EIPR1: variants seen among roughly 807,000 people sequenced by gnomAD.
The protein encoded by EIPR1 is EARP complex and GARP complex interacting protein 1, also known as EARP and GARP complex-interacting protein 1.
A neutral mutation model predicts 48.1 loss-of-function variants in EIPR1; 25 were observed. The observed-to-expected ratio is 0.52, with a 90% CI of 0.38 to 0.73. EIPR1 has a LOEUF of 0.73. Among genes scored for constraint, EIPR1 ranks in the 30% least tolerant of loss-of-function variants. EIPR1 has a pLI of 0.00. For missense variants in EIPR1, 415 were observed against 506.2 expected (o/e 0.82, Z 1.73); for synonymous variants, 204 against 201.9 (o/e 1.01, Z -0.09).
chr2:3,320,176 G>T (rs1292868236), intron 3 of EIPR1: 2 of 173,564 alleles, frequency 1.2e-5, no homozygotes, highest in East Asian at 4.0e-4. Context: ...CGCACCTATG[G>T]GTGACCCGCA....
chr2:3,320,280 T>C (rs865874300), intron 3 of EIPR1: 1 of 154,496 alleles, frequency 6.5e-6, no homozygotes, highest in Non-Finnish European at 1.3e-5. Context: ...CAGACAACAC[T>C]ATACCTGCGG....
intron 1 of EIPR1, among the ~76,000 whole-genome samples, chr2:3,366,916 G>A (rs1670987012): frequency 6.6e-6 from 1 of 151,996 alleles, no homozygotes; most frequent in Non-Finnish European, 1.5e-5. Context: ...AGCCAGGTGT[G>A]GTGGCACACA....
intron 4 of EIPR1, among the ~76,000 whole-genome samples, chr2:3,240,242 T>A (rs1297572131): frequency 8.7e-5 from 13 of 149,374 alleles, no homozygotes; most frequent in Non-Finnish European, 1.8e-4. Context: ...AGACCCTTCC[T>A]AAAGCAAAGC....
chr2:3,371,651 G>A (rs192662499), intron 1 of EIPR1, among the ~76,000 whole-genome samples: 6 of 152,290 alleles, frequency 3.9e-5, no homozygotes, highest in Middle Eastern at 3.4e-3. Context: ...TTACTTAAGG[G>A]TAAAGGGATC....
In EIPR1 at chr2:3,299,482, AAG is replaced by A. The variant is rs572041114; in HGVS notation, c.259+38533_259+38534del. 3.1e-3 allele frequency among the ~76,000 whole-genome samples: 466 copies of A among 152,312 alleles called. 4 individuals are homozygous for A. Among genetic ancestry groups the A allele is most frequent in the South Asian group, 8.9e-3 (43 of 4,828 alleles). ...TACGAATATCTCCTTCTCTTAGGAAAAGAGAGTCCTTGGATTAGATTGGCTTT... is the reference window on the plus strand; with the variant it reads ...TACGAATATCTCCTTCTCTTAGGAAAAGAGTCCTTGGATTAGATTGGCTTT... On this transcript the variant is annotated intron_variant, in intron 3 of 8. Coordinates refer to ENST00000382125, the MANE Select transcript of EIPR1 (RefSeq NM_003310.5).
chr2:3,251,376 A>G (rs1666996344), intron 4 of EIPR1, among the ~76,000 whole-genome samples: 1 of 152,252 alleles, frequency 6.6e-6, no homozygotes, highest in Non-Finnish European at 1.5e-5. Context: ...ACTGAGCAAC[A>G]GTCAATAAAT....
At chr2:3,260,573 CAAAAG>C (rs753536720) in intron 3 of EIPR1, among the ~76,000 whole-genome samples, 49 of 150,536 alleles carry the variant, frequency 3.3e-4, no homozygotes, top group Admixed American at 7.9e-4. Flanking sequence ...AGAAAGAAAA[CAAAAG>C]AAAAGAAAAG....
intron 2 of EIPR1, among the ~76,000 whole-genome samples, chr2:3,351,576 T>A (rs55649989): frequency 1.3e-5 from 2 of 152,126 alleles, no homozygotes; most frequent in African/African-American, 2.4e-5. Context: ...CCAACTCCCC[T>A]GTAGGCACCA....
chr2:3,254,924 C>G (rs1312186657), intron 4 of EIPR1, among the ~76,000 whole-genome samples: 1 of 152,184 alleles, frequency 6.6e-6, no homozygotes, highest in Non-Finnish European at 1.5e-5. Context: ...GATACAGTAC[C>G]ATAGTTATGC....
chr2:3,346,125 G>T (rs1445472392), intron 2 of EIPR1, among the ~76,000 whole-genome samples: 1 of 152,264 alleles, frequency 6.6e-6, no homozygotes, highest in Non-Finnish European at 1.5e-5. Context: ...CCGAGCATAG[G>T]CCCATGCGGG....
At chr2:3,225,771 T>C (rs1666045866) in intron 4 of EIPR1, among the ~76,000 whole-genome samples, 1 of 152,172 alleles carries the variant, frequency 6.6e-6, no homozygotes, top group South Asian at 2.1e-4. Flanking sequence ...TGAACGTTCC[T>C]AACCTTTGAC....
At chr2:3,322,967 C>T (rs1294596172) in intron 3 of EIPR1, among the ~76,000 whole-genome samples, 1 of 152,224 alleles carries the variant, frequency 6.6e-6, no homozygotes. Context: ...CCTGTCGCCA[C>T]AGCCAATATA....
chr2:3,308,845 T>G (rs1001184355), intron 3 of EIPR1, among the ~76,000 whole-genome samples: 1 of 152,212 alleles, frequency 6.6e-6, no homozygotes, highest in African/African-American at 2.4e-5. Context: ...TTTCAAATAT[T>G]TCCATTTTTC....
At chr2:3,283,944 TAAAAAAAAAAAA>T (rs59593196) in intron 3 of EIPR1, among the ~76,000 whole-genome samples, 5 of 92,906 alleles carry the variant, frequency 5.4e-5, no homozygotes, top group African/African-American at 2.3e-4. Flanking sequence ...AGACTACATC[TAAAAAAAAAAAA>T]AAAAAAAAAG....
At chr2:3,190,720 C>A (rs1664576570) in intron 8 of EIPR1, among the ~76,000 whole-genome samples, 1 of 152,078 alleles carries the variant, frequency 6.6e-6, no homozygotes, top group Non-Finnish European at 1.5e-5. Context: ...GTAAAGGGAG[C>A]CAGGCCCACA....
chr2:3,273,205 C>A (rs7560358), intron 3 of EIPR1, among the ~76,000 whole-genome samples: 3,491 of 152,278 alleles, frequency 0.023, 130 homozygotes, highest in African/African-American at 0.079. Flanking sequence ...CAAAATCATG[C>A]CTCTCTAAAA....
intron 1 of EIPR1, among the ~76,000 whole-genome samples, chr2:3,365,984 C>T (rs559901523): frequency 7.4e-4 from 32 of 43,444 alleles, no homozygotes; most frequent in East Asian, 1.6e-3. Flanking sequence ...GCCCCCCGCC[C>T]GGCCAGCCAC....
chr2:3,202,050 G>A (rs1665056787), intron 5 of EIPR1, among the ~76,000 whole-genome samples: 1 of 152,102 alleles, frequency 6.6e-6, no homozygotes, highest in Non-Finnish European at 1.5e-5. Context: ...CCATTCTCCT[G>A]CCTCAGCCTC....
At chr2:3,319,590 T>A (rs1280459530) in intron 3 of EIPR1, 1 of 162,646 alleles carries the variant, frequency 6.1e-6, no homozygotes, top group African/African-American at 2.4e-5. Flanking sequence ...GGTTTCCTTA[T>A]CACTCTCCAT....
Sources: gnomAD v4.1 joint callset for allele counts (sites outside exome capture counted in the v4.1 genomes callset) on GRCh38, gnomAD v4.1.1 for gene constraint, MANE v1.5 for transcripts, NCBI Gene and HGNC (gene_info 2026-07-23, HGNC 2026-07-21) for gene names.